Variants in CTNNA3 observed in about 807,000 individuals in gnomAD.
CTNNA3 encodes the protein catenin alpha-3.
Under a neutral mutation model 95.7 loss-of-function variants are expected in CTNNA3, and 76 were observed. The ratio of observed to expected loss-of-function variants is 0.79; its 90% CI spans 0.66 to 0.96. CTNNA3 has a LOEUF of 0.96. Among genes scored for constraint, CTNNA3 ranks in the 40% least tolerant of loss-of-function variants. CTNNA3 has a pLI of 0.00. For synonymous variants in CTNNA3, 431 were observed against 374.4 expected (o/e 1.15, Z -1.74); for missense variants, 1,191 against 1,089.8 (o/e 1.09, Z -1.31).
intron 3 of CTNNA3, among the ~76,000 whole-genome samples, chr10:67,604,627 A>C (rs558071566): frequency 6.6e-6 from 1 of 152,372 alleles, no homozygotes; most frequent in Non-Finnish European, 1.5e-5. Context: ...GACTGATAAA[A>C]GAATCTGTAC....
chr10:66,326,544 A>G (rs907536525), intron 12 of CTNNA3, among the ~76,000 whole-genome samples: 1 of 152,260 alleles, frequency 6.6e-6, no homozygotes. Flanking sequence ...AAAATGCTGC[A>G]TAAGTTATAG....
intron 5 of CTNNA3, among the ~76,000 whole-genome samples, chr10:67,308,336 G>T (rs968950302): frequency 4.6e-5 from 7 of 152,176 alleles, no homozygotes; most frequent in African/African-American, 1.7e-4. Flanking sequence ...TGCTGTTCTT[G>T]TGATAGTGAA....
intron 2 of CTNNA3, among the ~76,000 whole-genome samples, chr10:67,631,801 G>T (rs539178075): frequency 2.7e-4 from 41 of 150,976 alleles, no homozygotes; most frequent in Non-Finnish European, 3.8e-4. Flanking sequence ...ATAAAAAAAA[G>T]TAAATCCTGC....
chr10:67,153,254 G>C (rs557789296), intron 7 of CTNNA3, among the ~76,000 whole-genome samples: 1 of 152,272 alleles, frequency 6.6e-6, no homozygotes, highest in East Asian at 1.9e-4. Flanking sequence ...GGGATTACAG[G>C]CGTGAGCCAC....
intron 7 of CTNNA3, among the ~76,000 whole-genome samples, chr10:66,949,591 A>G (rs1457123496): frequency 1.3e-5 from 2 of 151,952 alleles, no homozygotes; most frequent in Non-Finnish European, 2.9e-5. Flanking sequence ...ACTATGGCCA[A>G]TATGAAAATT....
intron 10 of CTNNA3, among the ~76,000 whole-genome samples, chr10:66,550,299 C>T (rs1348547079): frequency 6.6e-6 from 1 of 152,014 alleles, no homozygotes; most frequent in Non-Finnish European, 1.5e-5. Context: ...TTTTTACTTA[C>T]CTTCAGTCTG....
chr10:66,412,514 G>A (rs2093114170), intron 11 of CTNNA3, among the ~76,000 whole-genome samples: 1 of 147,402 alleles, frequency 6.8e-6, no homozygotes, highest in Admixed American at 6.9e-5. Flanking sequence ...AGGCTGGAGT[G>A]CAGTGGCATG....
chr10:66,181,434 C>T (rs1374817071), intron 13 of CTNNA3, among the ~76,000 whole-genome samples: 5 of 152,054 alleles, frequency 3.3e-5, no homozygotes, highest in African/African-American at 7.2e-5. Context: ...TTTTGGGGCT[C>T]TATTATTATT....
chr10:66,331,338 G>GCTTGCTTGC (rs1417713676), intron 12 of CTNNA3, among the ~76,000 whole-genome samples: 24 of 39,108 alleles, frequency 6.1e-4, no homozygotes, highest in African/African-American at 1.7e-3. Flanking sequence ...TTTCCCCATT[G>GCTTGCTTGC]TTTGTTTTTT....
chr10:66,891,767 T>C (rs1399232008), intron 7 of CTNNA3, among the ~76,000 whole-genome samples: 1 of 152,188 alleles, frequency 6.6e-6, no homozygotes, highest in African/African-American at 2.4e-5. Context: ...TGTGATTGTA[T>C]GTATATAAAG....
intron 12 of CTNNA3, among the ~76,000 whole-genome samples, chr10:66,313,522 T>C (rs1306793996): frequency 6.6e-6 from 1 of 152,180 alleles, no homozygotes; most frequent in African/African-American, 2.4e-5. Flanking sequence ...AGTTCTCTTC[T>C]CCCAGCTTGT....
At chr10:67,588,076 T>C (rs537367667) in intron 3 of CTNNA3, among the ~76,000 whole-genome samples, 207 of 152,254 alleles carry the variant, frequency 1.4e-3, no homozygotes, top group African/African-American at 4.8e-3. Flanking sequence ...AATATCTGTC[T>C]CCTTGATTTC....
intron 1 of CTNNA3, chr10:67,648,697 T>A: frequency 1.6e-6 from 2 of 1,261,150 alleles, no homozygotes; most frequent in Non-Finnish European, 2.1e-6. Flanking sequence ...ATATGATACA[T>A]CAACATATAA....
intron 13 of CTNNA3, among the ~76,000 whole-genome samples, chr10:66,266,864 TC>T (rs1473557143): frequency 3.9e-5 from 6 of 151,990 alleles, no homozygotes; most frequent in Non-Finnish European, 7.4e-5. Flanking sequence ...AGATTCCATA[TC>T]CTGAGAAAGA....
At chr10:66,846,177 G>A (rs76087103) in intron 7 of CTNNA3, among the ~76,000 whole-genome samples, 5,645 of 140,512 alleles carry the variant, frequency 0.04, 358 homozygotes, top group African/African-American at 0.14. Context: ...TGAACCTGGC[G>A]GACATTATGC....
At position 67,536,414 on chromosome 10, in the gene CTNNA3, T is replaced by A. The variant is rs115037742; in HGVS notation, c.459+3089A>T. 6.1e-3 allele frequency among the ~76,000 whole-genome samples: 931 copies of A among 152,246 alleles called. 13 individuals are homozygous for A. The highest frequency in any genetic ancestry group is 0.021 in the African/African-American group (893 of 41,558). On this transcript the variant is annotated intron_variant, in intron 4 of 17. Coordinates refer to ENST00000433211, the MANE Select transcript of CTNNA3 (RefSeq NM_013266.4). ...GCTTCACTGTCTCAGAAAATTGAGA[T>A]TGTTATCATTGTTAGTGATCATCTA...
At chr10:66,383,264 G>A (rs137946452) in intron 11 of CTNNA3, among the ~76,000 whole-genome samples, 10,172 of 152,196 alleles carry the variant, frequency 0.067, 551 homozygotes, top group East Asian at 0.23. Flanking sequence ...ACCTGATGGA[G>A]CTGAAAACCA....
chr10:65,966,788 A>G, intron 16 of CTNNA3, 42 bp from the exon 17 acceptor site: 1 of 1,506,470 alleles, frequency 6.6e-7, no homozygotes, highest in Non-Finnish European at 9.1e-7. Context: ...AGCAGAATAA[A>G]TAATAGTTAG....
chr10:67,753,324 A>C (rs551799424), intron 1 of CTNNA3, among the ~76,000 whole-genome samples: 1 of 152,348 alleles, frequency 6.6e-6, no homozygotes, highest in South Asian at 2.1e-4. Flanking sequence ...AATTAACTAA[A>C]GATGGATTAA....
Sources: allele counts gnomAD v4.1 joint callset (sites outside exome capture counted in the v4.1 genomes callset), GRCh38; gene constraint gnomAD v4.1.1; transcripts MANE v1.5; gene names NCBI Gene and HGNC (gene_info 2026-07-23, HGNC 2026-07-21).